ITGBL1: variants seen among roughly 807,000 people sequenced by gnomAD.
ITGBL1 encodes the protein integrin subunit beta like 1, also known as integrin beta-like protein 1.
In ITGBL1, 51 loss-of-function variants were observed where a neutral mutation model predicts 68.5. The ratio of observed to expected loss-of-function variants is 0.74; its 90% CI spans 0.59 to 0.94. The LOEUF is 0.94. Among genes scored for constraint, ITGBL1 ranks in the 40% least tolerant of loss-of-function variants. The pLI is 0.00. For missense variants in ITGBL1, 649 were observed against 647.4 expected, an observed-to-expected ratio of 1.00 and a Z score of -0.03; for synonymous variants, 209 against 227.3, an observed-to-expected ratio of 0.92 and a Z score of 0.72.
At chr13:101,656,316 T>C (rs1237624204) in intron 7 of ITGBL1, among the ~76,000 whole-genome samples, 1 of 152,172 alleles carries the variant, frequency 6.6e-6, no homozygotes, top group Non-Finnish European at 1.5e-5. Flanking sequence ...AAGAAAAAGA[T>C]CTAGCTGTTA....
chr13:101,605,020 G>A (rs1470953170), intron 7 of ITGBL1, among the ~76,000 whole-genome samples: 1 of 133,938 alleles, frequency 7.5e-6, no homozygotes, highest in East Asian at 2.2e-4. Flanking sequence ...GCGTATATGT[G>A]TATATGTATA....
intron 2 of ITGBL1, among the ~76,000 whole-genome samples, chr13:101,499,222 T>G (rs1400192787): frequency 6.6e-6 from 1 of 152,222 alleles, no homozygotes; most frequent in African/African-American, 2.4e-5. Context: ...AAATGCAGCT[T>G]CAGACTCCTG....
At chr13:101,714,251 T>C (rs2034612217) in intron 9 of ITGBL1, 187 bp from the exon 10 acceptor site, 1 of 593,072 alleles carries the variant, frequency 1.7e-6, no homozygotes, top group African/African-American at 1.9e-5. Context: ...TAATGAAGGC[T>C]TTCCTGGGTG....
At chr13:101,694,406 A>ACTTTT (rs534613927) in intron 8 of ITGBL1, among the ~76,000 whole-genome samples, 19 of 151,818 alleles carry the variant, frequency 1.3e-4, no homozygotes, top group Middle Eastern at 3.4e-3. Flanking sequence ...TACCATTGTT[A>ACTTTT]CTTTTCTTTT....
At chr13:101,717,851 T>TGTC (rs2034785179), downstream of ITGBL1, 1 of 152,160 alleles carries the variant, frequency 6.6e-6, no homozygotes. Flanking sequence ...ACCTCAGGTA[T>TGTC]GTCTTATTTT....
chr13:101,528,032 T>G (rs1383612633), intron 2 of ITGBL1, among the ~76,000 whole-genome samples: 1 of 147,408 alleles, frequency 6.8e-6, no homozygotes, highest in East Asian at 1.9e-4. Context: ...AAATCCAATT[T>G]GTAGATTATT....
chr13:101,481,145 T>C (rs2048617588), intron 2 of ITGBL1, among the ~76,000 whole-genome samples: 1 of 140,576 alleles, frequency 7.1e-6, no homozygotes, highest in Non-Finnish European at 1.5e-5. Flanking sequence ...CATATATATA[T>C]GTATATATAT....
At chr13:101,655,609 C>T (rs1446694085) in intron 7 of ITGBL1, among the ~76,000 whole-genome samples, 1 of 152,186 alleles carries the variant, frequency 6.6e-6, no homozygotes, top group Non-Finnish European at 1.5e-5. Flanking sequence ...TTCACTTCCC[C>T]TTTCTATGAA....
At chr13:101,531,575 C>G (rs907235561) in intron 2 of ITGBL1, among the ~76,000 whole-genome samples, 3 of 146,850 alleles carry the variant, frequency 2.0e-5, no homozygotes, top group Non-Finnish European at 3.0e-5. Context: ...GTTTCTGGAA[C>G]ACGCTACACC....
intron 2 of ITGBL1, among the ~76,000 whole-genome samples, chr13:101,465,616 G>C (rs1341802079): frequency 6.6e-6 from 1 of 152,184 alleles, no homozygotes; most frequent in Admixed American, 6.5e-5. Context: ...GCTTGCATCA[G>C]TGGAAAGATA....
intron 7 of ITGBL1, among the ~76,000 whole-genome samples, chr13:101,627,700 T>C (rs2031834717): frequency 6.6e-6 from 1 of 152,124 alleles, no homozygotes; most frequent in African/African-American, 2.4e-5. Context: ...TGTCATACAG[T>C]GTGTAGGCTT....
intron 6 of ITGBL1, among the ~76,000 whole-genome samples, chr13:101,584,822 T>C (rs921650087): frequency 2.0e-5 from 3 of 151,982 alleles, no homozygotes; most frequent in Admixed American, 6.6e-5. Flanking sequence ...AAGAGGCCTG[T>C]TGGAGATTTT....
At position 101,705,292 on chromosome 13, in the gene ITGBL1, C is replaced by CAAAAA. The variant is rs66461824; in HGVS notation, c.1133-1451_1133-1447dup. ...AATCTCTCTTATTTAATTTAAAAAGCAAAAAAAAAAAAAAAAACAACAACA... is the reference window on the plus strand; with the variant it reads ...AATCTCTCTTATTTAATTTAAAAAGCAAAAAAAAAAAAAAAAAAAAAACAACAACA... On this transcript the variant is annotated intron_variant, in intron 8 of 10. Coordinates refer to ENST00000376180, the MANE Select transcript of ITGBL1 (RefSeq NM_004791.3). 1.0e-3 allele frequency among the ~76,000 whole-genome samples: 106 copies of CAAAAA among 104,990 alleles called. 1 individual carries two copies. The highest frequency in any genetic ancestry group is 1.8e-3 in the East Asian group (6 of 3,404). The allele number at this position is 104,990 out of a possible 152,430, so 68.9% of individuals were successfully genotyped here.
At chr13:101,625,376 A>G (rs2031734736) in intron 7 of ITGBL1, among the ~76,000 whole-genome samples, 1 of 152,190 alleles carries the variant, frequency 6.6e-6, no homozygotes, top group African/African-American at 2.4e-5. Context: ...TTGCTTTGCC[A>G]ATGAAAACTC....
intron 7 of ITGBL1, among the ~76,000 whole-genome samples, chr13:101,618,575 G>T (rs1039815601): frequency 6.6e-6 from 1 of 152,108 alleles, no homozygotes; most frequent in Non-Finnish European, 1.5e-5. Context: ...CCTTTGGGAA[G>T]AATGGTAAAG....
intron 2 of ITGBL1, among the ~76,000 whole-genome samples, chr13:101,480,859 G>A (rs1304728915): frequency 6.6e-6 from 1 of 151,876 alleles, no homozygotes; most frequent in Non-Finnish European, 1.5e-5. Context: ...TTGCATTGTA[G>A]TCAAACAAGC....
At chr13:101,604,900 A>ACACACACACACT (rs2030633543) in intron 7 of ITGBL1, among the ~76,000 whole-genome samples, 1 of 121,040 alleles carries the variant, frequency 8.3e-6, no homozygotes, top group South Asian at 2.6e-4. Context: ...ACACACACAC[A>ACACACACACACT]CATATATATG....
At chr13:101,598,008 A>C in intron 6 of ITGBL1, 145 bp from the exon 7 acceptor site, 2 of 653,540 alleles carry the variant, frequency 3.1e-6, no homozygotes, top group South Asian at 5.2e-5. Flanking sequence ...TAAGAATTTG[A>C]GAAAAATGTG....
chr13:101,620,130 G>A (rs2031525826), intron 7 of ITGBL1, among the ~76,000 whole-genome samples: 1 of 151,780 alleles, frequency 6.6e-6, no homozygotes, highest in Admixed American at 6.6e-5. Context: ...TAATATTATG[G>A]CCTAAATTGT....
Sources: allele counts gnomAD v4.1 joint callset (sites outside exome capture counted in the v4.1 genomes callset), GRCh38; gene constraint gnomAD v4.1.1; transcripts MANE v1.5; gene names NCBI Gene and HGNC (gene_info 2026-07-23, HGNC 2026-07-21).